PEAK1: variants seen among roughly 807,000 people sequenced by gnomAD.
PEAK1 encodes pseudopodium enriched atypical kinase 1.
PEAK1 carries 54 observed loss-of-function variants against 124.7 expected under a neutral mutation model. That is an observed-to-expected ratio of 0.43 (90% CI 0.35 to 0.54). PEAK1 has a LOEUF of 0.54. Ranked by LOEUF, PEAK1 falls within the 20% of genes least tolerant of loss-of-function variation. The pLI is 0.01. For missense variants in PEAK1, 2,046 were observed against 2,134.5 expected (o/e 0.96, Z 0.82); for synonymous variants, 719 against 760.0 (o/e 0.95, Z 0.89).
chr15:77,172,867 C>A (rs2056604095), intron 7 of PEAK1, among the ~76,000 whole-genome samples: 2 of 152,114 alleles, frequency 1.3e-5, no homozygotes, highest in African/African-American at 4.8e-5. Flanking sequence ...ATCCTTCCAC[C>A]TCAGCCTCCT....
chr15:77,205,100 A>G, intron 6 of PEAK1: 1 of 251,276 alleles, frequency 4.0e-6, no homozygotes, highest in South Asian at 4.6e-5. Flanking sequence ...AGTCTGATTA[A>G]TATCTTATAA....
chr15:77,338,607 A>C (rs2066340555), intron 2 of PEAK1, among the ~76,000 whole-genome samples: 1 of 141,254 alleles, frequency 7.1e-6, no homozygotes, highest in South Asian at 2.3e-4. Flanking sequence ...ATACATTCTA[A>C]AAAACATACA....
chr15:77,363,566 C>A (rs2068036574), intron 2 of PEAK1, among the ~76,000 whole-genome samples: 1 of 152,162 alleles, frequency 6.6e-6, no homozygotes, highest in African/African-American at 2.4e-5. Context: ...AGAAAATCCC[C>A]ACCTCTGTGT....
chr15:77,266,202 T>C (rs1385959233), intron 5 of PEAK1, among the ~76,000 whole-genome samples: 1 of 152,096 alleles, frequency 6.6e-6, no homozygotes, highest in Non-Finnish European at 1.5e-5. Context: ...TGTATACATA[T>C]GTAACTAACC....
chr15:77,322,280 G>C (rs1468155585), intron 2 of PEAK1, among the ~76,000 whole-genome samples: 1 of 152,142 alleles, frequency 6.6e-6, no homozygotes, highest in Non-Finnish European at 1.5e-5. Context: ...ACTAAGATCA[G>C]AGCAGAACTG....
At chr15:77,312,567 A>T (rs1458659972) in intron 2 of PEAK1, among the ~76,000 whole-genome samples, 1 of 152,274 alleles carries the variant, frequency 6.6e-6, no homozygotes, top group Non-Finnish European at 1.5e-5. Flanking sequence ...ATTTTATTTT[A>T]GGCAATCAGC....
At chr15:77,274,105 C>T (rs762648123) in intron 5 of PEAK1, among the ~76,000 whole-genome samples, 2 of 152,132 alleles carry the variant, frequency 1.3e-5, no homozygotes, top group Non-Finnish European at 2.9e-5. Flanking sequence ...CCTCATCTCT[C>T]ACCTTATACA....
intron 6 of PEAK1, among the ~76,000 whole-genome samples, chr15:77,207,229 CA>C (rs2058703250): frequency 1.3e-5 from 2 of 152,098 alleles, no homozygotes; most frequent in Non-Finnish European, 2.9e-5. Context: ...TCTAAAACAC[CA>C]AAAGCAATGG....
rs1433816852 is a variant in PEAK1 at position 77,365,149 on chromosome 15, A to G, written c.-603+14T>C. ...TATATATTAAAAGGCAAATGAATTC[A>G]TAAATTATCTCACCTTTGGTTTTTA... On this transcript the variant is annotated intron_variant, in intron 2 of 9. Transcript: ENST00000682557. The G allele has an allele frequency of 1.1e-6, 1 of 929,410 alleles. No homozygotes were observed. Among genetic ancestry groups the G allele is most frequent in the African/African-American group, 1.8e-5 (1 of 56,000 alleles). 57.6% of individuals were successfully genotyped at this position (929,410 alleles called of 1,614,324 possible). A position where few individuals can be genotyped will look rare whatever the true frequency, so the allele number is the denominator to read the frequency against.
At chr15:77,141,280 A>G (rs1303936557) in intron 8 of PEAK1, among the ~76,000 whole-genome samples, 1 of 152,230 alleles carries the variant, frequency 6.6e-6, no homozygotes, top group Non-Finnish European at 1.5e-5. Context: ...TTAAGAAGAC[A>G]ATTCTATTTA....
intron 1 of PEAK1, among the ~76,000 whole-genome samples, chr15:77,408,140 TAC>T (rs1243351579): frequency 5.2e-5 from 5 of 95,680 alleles, no homozygotes; most frequent in African/African-American, 2.0e-4. Context: ...GACACATGTA[TAC>T]ACATATATAC....
exon 7 of PEAK1, chr15:77,102,171 T>C (rs892980105): frequency 1.3e-5 from 2 of 152,196 alleles, no homozygotes; most frequent in African/African-American, 4.8e-5. Flanking sequence ...TTTTTAGATA[T>C]GCCACCTTAG....
chr15:77,375,445 T>C (rs1214896337), intron 1 of PEAK1, among the ~76,000 whole-genome samples: 12 of 152,182 alleles, frequency 7.9e-5, no homozygotes. Context: ...GTGTATAAGC[T>C]GTACTAGATG....
chr15:77,417,389 A>G (rs1263851963), intron 1 of PEAK1: 1 of 980,466 alleles, frequency 1.0e-6, no homozygotes, highest in Non-Finnish European at 1.2e-6. Flanking sequence ...GCCTTGAGGG[A>G]ACCTAGAAAG....
chr15:77,126,588 ATTATT>A (rs2052394081), intron 9 of PEAK1, among the ~76,000 whole-genome samples: 1 of 152,198 alleles, frequency 6.6e-6, no homozygotes, highest in South Asian at 2.1e-4. Context: ...ACAATAATGC[ATTATT>A]TTATATGTAC....
At chr15:77,407,904 C>CAT (rs1226523149) in intron 1 of PEAK1, among the ~76,000 whole-genome samples, 17 of 131,836 alleles carry the variant, frequency 1.3e-4, no homozygotes, top group African/African-American at 3.6e-4. Flanking sequence ...TATATATACA[C>CAT]ATATATATAC....
intron 5 of PEAK1, among the ~76,000 whole-genome samples, chr15:77,256,883 C>A (rs537665756): frequency 1.3e-5 from 2 of 150,978 alleles, no homozygotes; most frequent in East Asian, 2.0e-4. Flanking sequence ...CACCTCCCCC[C>A]ACCCCACAAC....
intron 5 of PEAK1, among the ~76,000 whole-genome samples, chr15:77,279,227 C>T (rs2062527744): frequency 6.6e-6 from 1 of 151,930 alleles, no homozygotes; most frequent in African/African-American, 2.4e-5. Context: ...CAAAGCTGGA[C>T]TGATGTGGGG....
In PEAK1 at chr15:77,116,523, T is replaced by G. The variant is rs534678137; in HGVS notation, c.4078-1204A>C. Among the ~76,000 whole-genome samples, 4 of 152,022 alleles carry G rather than the reference T, an allele frequency of 2.6e-5. No individual in the cohort carries two copies. In the South Asian group the frequency reaches 8.3e-4, roughly 32 times the overall value. ...GGAAGATTCAGATAGGACCCAGTTC[T>G]GAGAAGCAGCACATTCTGATTTCCA... On this transcript the variant is annotated intron_variant, in intron 9 of 9. Coordinates refer to ENST00000682557, the MANE Select transcript of PEAK1 (RefSeq NM_001385026.1).
Sources: gnomAD v4.1 joint callset for allele counts (sites outside exome capture counted in the v4.1 genomes callset) on GRCh38, gnomAD v4.1.1 for gene constraint, MANE v1.5 for transcripts, NCBI Gene and HGNC (gene_info 2026-07-23, HGNC 2026-07-21) for gene names.